The following ELP2 variants were observed in gnomAD, a reference collection of about 807,000 sequenced individuals.
ELP2 encodes elongator complex protein 2.
Under a neutral mutation model 119.2 loss-of-function variants are expected in ELP2, and 90 were observed. The observed-to-expected ratio is 0.75, with a 90% CI of 0.64 to 0.90. ELP2 has a LOEUF of 0.90. ELP2 is among the 40% of genes least tolerant of loss of function. ELP2 has a pLI of 0.00. For missense variants in ELP2, 921 were observed against 967.8 expected, an observed-to-expected ratio of 0.95 and a Z score of 0.64; for synonymous variants, 339 against 331.0, an observed-to-expected ratio of 1.02 and a Z score of -0.26.
intron 9 of ELP2, chr18:36,145,267 A>G (rs2090161914): frequency 4.1e-6 from 2 of 491,574 alleles, no homozygotes; most frequent in Non-Finnish European, 7.4e-6. Context: ...TGAAACTACC[A>G]CACCCCCAGT....
At chr18:36,170,367 A>G (rs1289206373) in intron 20 of ELP2, among the ~76,000 whole-genome samples, 171 bp downstream of exon 20, 1 of 150,044 alleles carries the variant, frequency 6.7e-6, no homozygotes, top group African/African-American at 2.5e-5. Context: ...GCTGGAATGC[A>G]GTGGCGTGAT....
rs375131839 is a variant in ELP2 at position 36,159,911 on chromosome 18, A to G, written c.1631-47A>G. The G allele has an allele frequency of 5.0e-6, 8 of 1,608,300 alleles. No homozygotes were observed. The African/African-American group carries it at 6.7e-5, about 13-fold the overall frequency. On this transcript the variant is annotated intron_variant, in intron 15 of 21. Coordinates refer to ENST00000358232, the MANE Select transcript of ELP2 (RefSeq NM_018255.4). ...ATTGCTGCTGACCTAAATAAGTGCT[A>G]TAGAATTCACTTTTACATAGAAAAA... is the stretch of plus-strand genomic sequence containing the variant.
chr18:36,164,865 G>A (rs2090847770), intron 18 of ELP2, 198 bp downstream of exon 18: 2 of 602,970 alleles, frequency 3.3e-6, no homozygotes, highest in Non-Finnish European at 5.9e-6. Flanking sequence ...TCTTTATTTG[G>A]GTTGACCTAC....
intron 20 of ELP2, 48 bp from the exon 21 acceptor site, chr18:36,170,999 C>A: frequency 7.5e-7 from 1 of 1,325,728 alleles, no homozygotes; most frequent in South Asian, 1.2e-5. Flanking sequence ...ACGAAGATAA[C>A]AATTTCATGC....
chr18:36,145,615 T>A lies in ELP2; in HGVS notation c.893-333T>A, dbSNP rs138101182. 5.3e-5 allele frequency among the ~76,000 whole-genome samples: 8 copies of A among 152,328 alleles called. No homozygotes were observed. The East Asian group carries it at 1.5e-3, about 29-fold the overall frequency. On this transcript the variant is annotated intron_variant, in intron 9 of 21. Transcript: ENST00000358232. ...CACCTCTTCCTTACATTATGCTATG[T>A]TTGCTGTAATTTAAAAAACAAAAAA...
At chr18:36,156,749 A>G in intron 13 of ELP2, 95 bp downstream of exon 13, 5 of 1,099,908 alleles carry the variant, frequency 4.5e-6, no homozygotes, top group Non-Finnish European at 6.8e-6. Flanking sequence ...ATATATGGGT[A>G]GAAAGAAAGT....
rs143314694 is a variant in ELP2, at chr18:36,154,967, T to C, written c.1243T>C (p.Phe415Leu). 1 of 1,613,928 alleles carries C rather than the reference T, an allele frequency of 6.2e-7. No individual in the cohort carries two copies. Among genetic ancestry groups the C allele is most frequent in the Non-Finnish European group, 8.5e-7 (1 of 1,179,912 alleles). The change falls in exon 12 of 22, where the codon TTT becomes CTT. Residue 415 changes from phenylalanine to leucine, a missense_variant. Physicochemically the swap from Phe to Leu is conservative, Grantham distance 22 (BLOSUM62 0). Coordinates refer to ENST00000358232, the MANE Select transcript of ELP2 (RefSeq NM_018255.4). The stretch of plus-strand genomic sequence containing the variant: ...TGGTACTGATCAGACAACTAGACTT[T>C]TTGCTCCATGGAAGAGAAAAGACCA... ...TVGTDQTTRL[F>L]APWKRKDQSQ...
intron 11 of ELP2, among the ~76,000 whole-genome samples, chr18:36,150,562 T>C (rs189618186): frequency 2.0e-5 from 3 of 152,312 alleles, no homozygotes; most frequent in Non-Finnish European, 4.4e-5. Context: ...ACCCCAGTAG[T>C]TGTTGCTGGG....
rs77704785 is a variant in ELP2 at position 36,143,740 on chromosome 18, T to G, written c.796+774T>G. ...TATTTTTATGTGAGAATGAGTCATTTTTCATATGTGAAATATTTTTCTTCT... is the reference window on the plus strand; with the variant it reads ...TATTTTTATGTGAGAATGAGTCATTGTTCATATGTGAAATATTTTTCTTCT... On this transcript the variant is annotated intron_variant, in intron 8 of 21. Coordinates refer to ENST00000358232, the MANE Select transcript of ELP2 (RefSeq NM_018255.4). Among the ~76,000 whole-genome samples the G allele has an allele frequency of 6.2e-3, 939 of 152,318 alleles. 25 individuals carry two copies. Among genetic ancestry groups the G allele is most frequent in the East Asian group, 0.041 (211 of 5,190 alleles).
Position 36,146,389 on chromosome 18 carries a change from AAG to A in ELP2, c.1125+11_1125+12del. On this transcript the variant is annotated intron_variant, in intron 11 of 21. Coordinates refer to ENST00000358232, the MANE Select transcript of ELP2 (RefSeq NM_018255.4). The stretch of plus-strand genomic sequence containing the variant: ...CAGAATACAGTTAACCCAGTAAGAA[AAG>A]AGTGTTTAAATAAAGCATTTCTAAT... 6.2e-7 allele frequency: 1 copy of A among 1,613,728 alleles called. No homozygotes were observed. Among genetic ancestry groups the A allele is most frequent in the Non-Finnish European group, 8.5e-7 (1 of 1,179,670 alleles).
intron 18 of ELP2, among the ~76,000 whole-genome samples, chr18:36,166,175 AGAGT>A (rs2090888604): frequency 6.7e-6 from 1 of 149,916 alleles, no homozygotes; most frequent in Non-Finnish European, 1.5e-5. Flanking sequence ...CCAGGGCATT[AGAGT>A]GAGACTTCGT....
intron 16 of ELP2, 86 bp from the exon 17 acceptor site, chr18:36,160,846 G>A (rs984361530): frequency 2.5e-5 from 21 of 837,262 alleles, no homozygotes; most frequent in Admixed American, 1.5e-4. Flanking sequence ...TAGAGAGGTT[G>A]ATGTTATTCT....
At chr18:36,166,048 C>T (rs1290025905) in intron 18 of ELP2, among the ~76,000 whole-genome samples, 1 of 151,704 alleles carries the variant, frequency 6.6e-6, no homozygotes, top group African/African-American at 2.4e-5. Flanking sequence ...TAAAGATTAG[C>T]CAGGCATGGT....
intron 3 of ELP2, among the ~76,000 whole-genome samples, chr18:36,136,905 T>A (rs1403318876): frequency 6.6e-6 from 1 of 152,226 alleles, no homozygotes; most frequent in East Asian, 1.9e-4. Flanking sequence ...TACCCCACAC[T>A]TCTGTCATGT....
chr18:36,148,972 T>A (rs1297004253), intron 11 of ELP2, among the ~76,000 whole-genome samples: 1 of 152,240 alleles, frequency 6.6e-6, no homozygotes, highest in Non-Finnish European at 1.5e-5. Flanking sequence ...GTTTGCAGAT[T>A]TCCTTCAATC....
At chr18:36,167,060 CTT>C (rs1568023730) in intron 18 of ELP2, 39 bp from the exon 19 acceptor site, 4 of 1,556,586 alleles carry the variant, frequency 2.6e-6, no homozygotes, top group Non-Finnish European at 3.5e-6. Context: ...AAAAACCCAG[CTT>C]TCTCTGCTTT....
At chr18:36,161,152 C>T (rs2090726965) in intron 17 of ELP2, 148 bp downstream of exon 17, 2 of 681,368 alleles carry the variant, frequency 2.9e-6, no homozygotes, top group Non-Finnish European at 5.3e-6. Context: ...TTTCTCTTAC[C>T]CTTCTGTCTC....
intron 5 of ELP2, among the ~76,000 whole-genome samples, chr18:36,139,081 A>G (rs3737473): frequency 0.054 from 8,215 of 152,272 alleles, 337 homozygotes; most frequent in East Asian, 0.17. Flanking sequence ...TTTGATAGCC[A>G]TTGATAATTT....
Position 36,180,551 on chromosome 18 carries a change from A to C in ELP2, c.*5910A>C, listed in dbSNP as rs953536895. 1.1e-4 allele frequency: 16 copies of C among 152,232 alleles called. No individual in the cohort carries two copies. Among genetic ancestry groups the C allele is most frequent in the African/African-American group, 3.9e-4 (16 of 41,470 alleles). 9.4% of individuals were successfully genotyped at this position (152,232 alleles called of 1,614,324 possible). A position where few individuals can be genotyped will look rare whatever the true frequency, so the allele number is the denominator to read the frequency against. On this transcript the variant is annotated 3_prime_UTR_variant, in exon 22 of 22. Coordinates refer to ENST00000358232, the MANE Select transcript of ELP2 (RefSeq NM_018255.4). ...GATTAAATAAAGCTCTGCTCGTGTC[A>C]ACTCCATAGAGCCTTTGGTAAACCC...
Sources: gnomAD v4.1 joint callset for allele counts (sites outside exome capture counted in the v4.1 genomes callset) on GRCh38, gnomAD v4.1.1 for gene constraint, MANE v1.5 for transcripts, NCBI Gene and HGNC (gene_info 2026-07-23, HGNC 2026-07-21) for gene names.